The following DDX24 variants were observed in gnomAD, a reference collection of about 807,000 sequenced individuals.
DDX24 encodes DEAD-box helicase 24, also known as ATP-dependent RNA helicase DDX24.
In DDX24, 24 loss-of-function variants were observed where a neutral mutation model predicts 68.9. The observed-to-expected ratio is 0.35, with a 90% CI of 0.25 to 0.49. The LOEUF is 0.49. Among genes scored for constraint, DDX24 ranks in the 20% least tolerant of loss-of-function variants. The probability of loss-of-function intolerance (pLI) is 0.99; values close to 1 mark genes in which losing one functional copy is unlikely to be tolerated. For synonymous variants in DDX24, 395 were observed against 385.2 expected (o/e 1.03, Z -0.30); for missense variants, 989 against 1,039.0 (o/e 0.95, Z 0.66).
In DDX24 at chr14:94,062,135, T is replaced by C. The variant is rs1346752481; in HGVS notation, c.1205A>G (p.Gln402Arg). 4 of 1,613,794 alleles carry C rather than the reference T, an allele frequency of 2.5e-6. No individual in the cohort carries two copies. The highest frequency in any genetic ancestry group is 3.4e-6 in the Non-Finnish European group (4 of 1,179,888). Reference sequence around the variant, plus strand: ...CACAGCATCAATGTGCTGTTTGACCTGGACGGCCAGCTCTCGAGTGGGAGT... The same window carrying C: ...CACAGCATCAATGTGCTGTTTGACCCGGACGGCCAGCTCTCGAGTGGGAGT... ...VLTPTRELAV[Q>R]VKQHIDAVAR... The change falls in exon 3 of 9, where the codon CAG becomes CGG. Residue 402 changes from glutamine (Q) to arginine (R), a missense_variant. Transcript: ENST00000621632.
chr14:94,071,223 A>C (rs1885820638), intron 2 of DDX24, among the ~76,000 whole-genome samples: 1 of 152,248 alleles, frequency 6.6e-6, no homozygotes, highest in Non-Finnish European at 1.5e-5. Context: ...TATCAAAAGA[A>C]GATACACAAA....
rs150156596 is a variant in DDX24, at chr14:94,062,243, G to T, written c.1097C>A (p.Thr366Asn). The change falls in exon 3 of 9, where the codon ACT (threonine) becomes AAT (asparagine). Residue 366 changes from threonine to asparagine, a missense_variant. By Grantham distance (65) the Thr-to-Asn change is moderately conservative (BLOSUM62 0). Coordinates refer to ENST00000621632, the MANE Select transcript of DDX24 (RefSeq NM_020414.4). Reference sequence around the variant, plus strand: ...ATCCAACTCCTGTTTTAGATTTCCAGTCTGCTCTTTATCAAGATTTTCCTC... The same window carrying T: ...ATCCAACTCCTGTTTTAGATTTCCATTCTGCTCTTTATCAAGATTTTCCTC... ...NEEENLDKEQ[T>N]GNLKQELDDK... 1 of 1,614,120 alleles carries T rather than the reference G, an allele frequency of 6.2e-7. No individual in the cohort carries two copies. Among genetic ancestry groups the T allele is most frequent in the Non-Finnish European group, 8.5e-7 (1 of 1,180,016 alleles).
chr14:94,055,438 C>T (rs1029166976), intron 6 of DDX24: 1 of 477,786 alleles, frequency 2.1e-6, no homozygotes, highest in Non-Finnish European at 3.7e-6. Flanking sequence ...ACCATGCAGC[C>T]AGACCACAGC....
At chr14:94,068,385 A>C (rs539246395) in intron 2 of DDX24, among the ~76,000 whole-genome samples, 1 of 152,368 alleles carries the variant, frequency 6.6e-6, no homozygotes, top group African/African-American at 2.4e-5. Flanking sequence ...AGACCTAAGA[A>C]ATGAGACAGA....
chr14:94,077,866 T>C lies in DDX24; in HGVS notation c.718+1159A>G, dbSNP rs995779461. 3.5e-5 allele frequency among the ~76,000 whole-genome samples: 4 copies of C among 115,398 alleles called. No individual in the cohort carries two copies. The Admixed American group carries it at 3.5e-4, about 10-fold the overall frequency. The allele number at this position is 115,398 out of a possible 152,430, so 75.7% of individuals were successfully genotyped here. A position where few individuals can be genotyped will look rare whatever the true frequency, so the allele number is the denominator to read the frequency against. ...TTAAAACACACCAGATTTTGAAAAT[T>C]TAGTAAAAAAAAAAAAAAGAACATA... On this transcript the variant is annotated intron_variant, in intron 2 of 8. Coordinates refer to ENST00000621632, the MANE Select transcript of DDX24 (RefSeq NM_020414.4).
In DDX24 at chr14:94,053,031, G is replaced by A. The variant is rs150463432; in HGVS notation, c.2275C>T (p.Leu759=). 104 of 1,614,106 alleles carry A rather than the reference G, an allele frequency of 6.4e-5. 1 individual carries two copies. In the African/African-American group the frequency reaches 8.3e-4, roughly 13 times the overall value. Residue 759 remains leucine (L), a synonymous_variant, in exon 8 of 9, where the codon CTG becomes TTG. Transcript: ENST00000621632. ...ATGTCTTCTTCCAGCTCAATCTCCA[G>A]GGCAGCTGCTGCCTGCTCAATCCAA... ...NSWIEQAAAA[L]EIELEEDMYK... is the part of the protein sequence containing the mutation.
intron 7 of DDX24, chr14:94,053,358 CTTTTTTT>C (rs1160011824): frequency 0.025 from 3,160 of 124,384 alleles, 9 homozygotes; most frequent in South Asian, 0.051. Flanking sequence ...TAGGTAATTT[CTTTTTTT>C]TTTTTTTTTT....
At chr14:94,054,051 G>A (rs1567057181) in intron 7 of DDX24, among the ~76,000 whole-genome samples, 1 of 152,092 alleles carries the variant, frequency 6.6e-6, no homozygotes, top group Non-Finnish European at 1.5e-5. Context: ...CCAACCTATA[G>A]GTAACCAAAG....
intron 2 of DDX24, among the ~76,000 whole-genome samples, chr14:94,077,690 A>G (rs376580543): frequency 1.3e-5 from 2 of 152,164 alleles, no homozygotes; most frequent in African/African-American, 4.8e-5. Flanking sequence ...TATTATCTCC[A>G]TTCCCCTTTC....
chr14:94,079,327 G>A lies in DDX24; in HGVS notation c.416C>T (p.Ala139Val). 6.2e-7 allele frequency: 1 copy of A among 1,614,024 alleles called. No homozygotes were observed. Among genetic ancestry groups the A allele is most frequent in the Non-Finnish European group, 8.5e-7 (1 of 1,180,014 alleles). Residue 139 changes from alanine to valine, a missense_variant, in exon 2 of 9, where the codon GCT (alanine) becomes GTT (valine). By Grantham distance (64) the Ala-to-Val change is moderately conservative. This residue lies in a region of DDX24 where 295 missense variants were observed against 263.0 expected (regional missense o/e 1.12). Coordinates refer to ENST00000621632, the MANE Select transcript of DDX24 (RefSeq NM_020414.4). ...GDDMVCDDPEAGEMTSENLVQ... is the reference protein window; with the variant it reads ...GDDMVCDDPEVGEMTSENLVQ... ...CAGGTTTTCTGATGTCATCTCCCCA[G>A]CCTCCGGATCATCACAAACCATGTC...
intron 8 of DDX24, 75 bp from the exon 9 acceptor site, chr14:94,051,537 C>A: frequency 1.3e-6 from 2 of 1,483,134 alleles, no homozygotes; most frequent in East Asian, 2.4e-5. Flanking sequence ...ATGGGTAACA[C>A]AGTGAAAAAT....
intron 8 of DDX24, 166 bp from the exon 9 acceptor site, chr14:94,051,628 A>G (rs1379415220): frequency 2.5e-6 from 2 of 789,362 alleles, no homozygotes; most frequent in Non-Finnish European, 1.9e-6. Context: ...CTGTAAATGG[A>G]TAACGTCTAA....
intron 2 of DDX24, among the ~76,000 whole-genome samples, chr14:94,076,219 A>G (rs1477166981): frequency 6.6e-6 from 1 of 152,252 alleles, no homozygotes; most frequent in Non-Finnish European, 1.5e-5. Context: ...GTCCATCAAT[A>G]GATGAACAAA....
chr14:94,062,488 C>T lies in DDX24; in HGVS notation c.852G>A (p.Glu284=). The T allele has an allele frequency of 6.2e-7, 1 of 1,614,196 alleles. No homozygotes were observed. The change falls in exon 3 of 9, where the codon GAG becomes GAA. Residue 284 remains glutamate (E), a synonymous_variant. Transcript: ENST00000621632. ...CTTCAGCCTTGCCTGGTGATCTAGT[C>T]TCAGCTCCGGCCTCAGTTCTGGTCT... The part of the protein sequence containing the change: ...PGETRTEAGA[E]TRSPGKAEAE...
At chr14:94,058,139 A>G (rs888327572) in intron 5 of DDX24, among the ~76,000 whole-genome samples, 1 of 152,062 alleles carries the variant, frequency 6.6e-6, no homozygotes, top group Non-Finnish European at 1.5e-5. Flanking sequence ...CCAACATGCC[A>G]TACTCTGCAA....
chr14:94,053,113 T>C lies in DDX24; in HGVS notation c.2193A>G (p.Leu731=). The C allele has an allele frequency of 6.2e-7, 1 of 1,614,210 alleles. No individual in the cohort carries two copies. The highest frequency in any genetic ancestry group is 8.5e-7 in the Non-Finnish European group (1 of 1,180,026). ...ACTCAGATTTCTCAATCTGTCGAGC[T>C]AAACGGATTCGCTCCTGGGGGGAAG... ...YMDVVKERIR[L]ARQIEKSEYR... The change falls in exon 8 of 9, where the codon TTA becomes TTG. Residue 731 remains leucine (L), a synonymous_variant. Coordinates refer to ENST00000621632, the MANE Select transcript of DDX24 (RefSeq NM_020414.4).
At chr14:94,054,746 G>T (rs76427192) in intron 7 of DDX24, among the ~76,000 whole-genome samples, 3,249 of 152,246 alleles carry the variant, frequency 0.021, 117 homozygotes, top group African/African-American at 0.074. Context: ...TGGTGAGGAG[G>T]GGGGACTTCA....
chr14:94,077,211 C>T (rs1885961550), intron 2 of DDX24, among the ~76,000 whole-genome samples: 1 of 152,144 alleles, frequency 6.6e-6, no homozygotes, highest in East Asian at 1.9e-4. Context: ...GCACAGGGGA[C>T]CAATGCCCCT....
chr14:94,054,730 A>G (rs549168367), intron 7 of DDX24, among the ~76,000 whole-genome samples: 1 of 152,296 alleles, frequency 6.6e-6, no homozygotes, highest in Admixed American at 6.5e-5. Context: ...TGACCACTGC[A>G]CTGTCTGGTG....
Sources: allele counts gnomAD v4.1 joint callset (sites outside exome capture counted in the v4.1 genomes callset), GRCh38; gene constraint gnomAD v4.1.1; regional missense constraint gnomAD v4.1.1; transcripts MANE v1.5; gene names NCBI Gene and HGNC (gene_info 2026-07-23, HGNC 2026-07-21).